ENTREP2: variants seen among roughly 807,000 people sequenced by gnomAD.
ENTREP2 encodes the protein endosomal transmembrane epsin interactor 2, also known as protein ENTREP2.
At chr15:29,269,725 G>T in the ENTREP2 span, 2 of 1,499,546 alleles carry the variant, frequency 1.3e-6, no homozygotes, top group East Asian at 2.7e-5. Context: ...GGCAGGTGCC[G>T]GCGCACACTC....
the ENTREP2 span, among the ~76,000 whole-genome samples, chr15:29,423,204 G>C: frequency 0.023 from 3,464 of 152,160 alleles, 142 homozygotes; most frequent in African/African-American, 0.079. Flanking sequence ...TTTTAACTCA[G>C]AATACACATT....
At chr15:29,192,486 G>A in the ENTREP2 span, among the ~76,000 whole-genome samples, 1 of 152,096 alleles carries the variant, frequency 6.6e-6, no homozygotes, top group South Asian at 2.1e-4. Flanking sequence ...CCAACTTAAG[G>A]TGAACCCATC....
chr15:29,472,428 A>ACCAC, the ENTREP2 span, among the ~76,000 whole-genome samples: 2 of 140,622 alleles, frequency 1.4e-5, no homozygotes, highest in Non-Finnish European at 3.1e-5. Flanking sequence ...CACAACACAC[A>ACCAC]ACACACACAC....
At chr15:29,354,465 A>G in the ENTREP2 span, among the ~76,000 whole-genome samples, 1 of 152,220 alleles carries the variant, frequency 6.6e-6, no homozygotes, top group African/African-American at 2.4e-5. Flanking sequence ...GTATAAAAAG[A>G]CATACATATG....
chr15:29,518,478 A>G, the ENTREP2 span, among the ~76,000 whole-genome samples: 1 of 152,212 alleles, frequency 6.6e-6, no homozygotes, highest in African/African-American at 2.4e-5. Context: ...TGCACCTCCT[A>G]TAGAAACACA....
chr15:29,442,511 A>G, the ENTREP2 span, among the ~76,000 whole-genome samples: 1 of 152,334 alleles, frequency 6.6e-6, no homozygotes, highest in Non-Finnish European at 1.5e-5. Context: ...CTGTGGGCAG[A>G]GTACTCTGCC....
chr15:29,625,066 C>CT, the ENTREP2 span, among the ~76,000 whole-genome samples: 1 of 152,084 alleles, frequency 6.6e-6, no homozygotes, highest in Non-Finnish European at 1.5e-5. Context: ...AACCTGTTCT[C>CT]TATCTCTATA....
At chr15:29,160,948 C>T in the ENTREP2 span, among the ~76,000 whole-genome samples, 1 of 151,968 alleles carries the variant, frequency 6.6e-6, no homozygotes, top group Non-Finnish European at 1.5e-5. Context: ...AAGAAATATC[C>T]AGCAATAGCT....
At chr15:29,517,543 A>G in the ENTREP2 span, among the ~76,000 whole-genome samples, 1 of 152,164 alleles carries the variant, frequency 6.6e-6, no homozygotes, top group Non-Finnish European at 1.5e-5. Context: ...GACTCTAACC[A>G]CTTAAAAAAT....
chr15:29,663,016 A>G, the ENTREP2 span, among the ~76,000 whole-genome samples: 1 of 151,598 alleles, frequency 6.6e-6, no homozygotes, highest in Admixed American at 6.6e-5. Flanking sequence ...CCTGGCCAGG[A>G]CTGGCTCCTG....
the ENTREP2 span, among the ~76,000 whole-genome samples, chr15:29,365,250 C>CTTTTTTTTTTTTTTT: frequency 7.0e-6 from 1 of 142,014 alleles, no homozygotes; most frequent in African/African-American, 2.6e-5. Context: ...TAGCTCATTT[C>CTTTTTTTTTTTTTTT]TTTTTTTTTT....
chr15:29,628,251 A>G, the ENTREP2 span, among the ~76,000 whole-genome samples: 2 of 152,246 alleles, frequency 1.3e-5, no homozygotes, highest in South Asian at 4.1e-4. Context: ...TGATGTGTTT[A>G]TTGGCCATTT....
the ENTREP2 span, among the ~76,000 whole-genome samples, chr15:29,177,540 C>T: frequency 6.4e-3 from 967 of 152,236 alleles, 11 homozygotes; most frequent in African/African-American, 0.022. Flanking sequence ...GCACACAGAT[C>T]GAGCCCACAA....
At chr15:29,210,761 C>T in the ENTREP2 span, among the ~76,000 whole-genome samples, 1 of 152,166 alleles carries the variant, frequency 6.6e-6, no homozygotes, top group Non-Finnish European at 1.5e-5. Context: ...CATGGCCCTT[C>T]CTCTTGGAAA....
the ENTREP2 span, among the ~76,000 whole-genome samples, chr15:29,257,408 A>G: frequency 1.3e-5 from 2 of 152,134 alleles, no homozygotes; most frequent in Non-Finnish European, 2.9e-5. Flanking sequence ...CCTACTGATG[A>G]ACATTTGGGT....
At chr15:29,381,634 C>T in the ENTREP2 span, 3 of 682,484 alleles carry the variant, frequency 4.4e-6, no homozygotes, top group Non-Finnish European at 7.5e-6. Context: ...CATCAGCATT[C>T]AGCAGTGAGA....
chr15:29,151,701 C>T, the ENTREP2 span: 3 of 1,505,434 alleles, frequency 2.0e-6, no homozygotes, highest in African/African-American at 1.4e-5. Flanking sequence ...TGGTTTCAAA[C>T]CGCGCAGAGG....
the ENTREP2 span, among the ~76,000 whole-genome samples, chr15:29,608,623 C>T: frequency 6.6e-6 from 1 of 151,242 alleles, no homozygotes; most frequent in Non-Finnish European, 1.5e-5. Flanking sequence ...GGCGCCATCT[C>T]GGCTCACTGC....
the ENTREP2 span, among the ~76,000 whole-genome samples, chr15:29,385,244 T>G: frequency 6.6e-6 from 1 of 152,222 alleles, no homozygotes; most frequent in African/African-American, 2.4e-5. Flanking sequence ...TAGCCACTAC[T>G]CCACCTACTT....
Sources: allele counts gnomAD v4.1 joint callset (sites outside exome capture counted in the v4.1 genomes callset), GRCh38; gene constraint gnomAD v4.1.1; transcripts MANE v1.5; gene names NCBI Gene and HGNC (gene_info 2026-07-23, HGNC 2026-07-21).